NFIA: variants seen among roughly 807,000 people sequenced by gnomAD.
The protein encoded by NFIA is nuclear factor 1 A-type.
In NFIA, 8 loss-of-function variants were observed where a neutral mutation model predicts 62.8. That is an observed-to-expected ratio of 0.13 (90% confidence interval 0.07 to 0.23). The LOEUF is 0.23. Among genes scored for constraint, NFIA ranks in the 10% least tolerant of loss-of-function variants. The pLI, the probability that NFIA is intolerant of heterozygous loss-of-function variation, is 1.00. For missense variants in NFIA, 410 were observed against 642.1 expected (o/e 0.64, Z 3.91); for synonymous variants, 235 against 238.1 (o/e 0.99, Z 0.12).
intron 2 of NFIA, among the ~76,000 whole-genome samples, chr1:61,236,614 A>G (rs1655030428): frequency 6.6e-6 from 1 of 152,056 alleles, no homozygotes; most frequent in African/African-American, 2.4e-5. Context: ...AACAGGTACT[A>G]AACAGGATTT....
chr1:61,302,990 C>G (rs561406924), intron 3 of NFIA, among the ~76,000 whole-genome samples: 1 of 152,262 alleles, frequency 6.6e-6, no homozygotes, highest in African/African-American at 2.4e-5. Context: ...TCTAAAAATG[C>G]TTTTAAAAGT....
Position 61,102,109 on chromosome 1 carries a change from T to C in NFIA, c.559+13429T>C, listed in dbSNP as rs1240725673. Among the ~76,000 whole-genome samples, 10 of 152,162 alleles carry C rather than the reference T, an allele frequency of 6.6e-5. No homozygotes were observed. The South Asian group carries it at 8.3e-4, about 13-fold the overall frequency. On this transcript the variant is annotated intron_variant, in intron 2 of 10. Transcript: ENST00000403491. Reference sequence around the variant, plus strand: ...ATAATTATTTTTAAAAAGCAGAAAATGTGTTTGTAACATTTAAGAAATGGC... The same window carrying C: ...ATAATTATTTTTAAAAAGCAGAAAACGTGTTTGTAACATTTAAGAAATGGC...
chr1:61,299,432 A>G (rs1395665509), intron 3 of NFIA, among the ~76,000 whole-genome samples: 1 of 152,138 alleles, frequency 6.6e-6, no homozygotes, highest in Non-Finnish European at 1.5e-5. Flanking sequence ...TTTCTTTTTA[A>G]TTTAATCTCA....
chr1:61,186,782 C>T (rs1228335668), intron 2 of NFIA, among the ~76,000 whole-genome samples: 1 of 152,238 alleles, frequency 6.6e-6, no homozygotes. Context: ...TATATTCTCT[C>T]ATTTAATCCT....
At chr1:61,350,789 C>T (rs973671864) in intron 4 of NFIA, among the ~76,000 whole-genome samples, 2 of 152,212 alleles carry the variant, frequency 1.3e-5, no homozygotes, top group Non-Finnish European at 2.9e-5. Flanking sequence ...GTTTCCTCTA[C>T]CTAGAAGTCC....
intron 2 of NFIA, among the ~76,000 whole-genome samples, chr1:61,163,509 C>T (rs189327609): frequency 1.8e-4 from 27 of 152,130 alleles, no homozygotes; most frequent in African/African-American, 6.3e-4. Context: ...TTTATAGTTC[C>T]AGTAAATAGT....
intron 3 of NFIA, among the ~76,000 whole-genome samples, chr1:61,298,389 G>C (rs750102679): frequency 1.1e-4 from 16 of 151,944 alleles, no homozygotes; most frequent in Non-Finnish European, 2.4e-4. Flanking sequence ...CCAGTTCTTG[G>C]TGGTATTCTC....
chr1:61,231,532 CA>C lies in NFIA; in HGVS notation c.560-45982del, dbSNP rs913758524. Among the ~76,000 whole-genome samples, 307 of 151,018 alleles carry C rather than the reference CA, an allele frequency of 2.0e-3. 4 individuals carry two copies. Among genetic ancestry groups the C allele is most frequent in the Non-Finnish European group, 6.5e-4 (44 of 67,580 alleles). ...TATATATGTAAAATTCAGATCCATT[CA>C]AAAAATATCCATGTTCTTTTATATG... On this transcript the variant is annotated intron_variant, in intron 2 of 10. Coordinates refer to ENST00000403491, the MANE Select transcript of NFIA (RefSeq NM_001134673.4).
intron 6 of NFIA, among the ~76,000 whole-genome samples, chr1:61,361,389 T>C (rs1015332007): frequency 3.9e-5 from 6 of 152,202 alleles, no homozygotes; most frequent in African/African-American, 1.4e-4. Flanking sequence ...TTGAACCCTT[T>C]TTCAAAGGCT....
intron 2 of NFIA, among the ~76,000 whole-genome samples, chr1:61,091,724 C>T (rs763888899): frequency 6.6e-6 from 1 of 152,100 alleles, no homozygotes; most frequent in Non-Finnish European, 1.5e-5. Flanking sequence ...ATACCCGGCA[C>T]GTGGCAAGGT....
At chr1:61,139,303 A>C (rs1647323211) in intron 2 of NFIA, among the ~76,000 whole-genome samples, 1 of 152,196 alleles carries the variant, frequency 6.6e-6, no homozygotes, top group African/African-American at 2.4e-5. Flanking sequence ...ATAGTCCGGA[A>C]CTCCCCATGT....
intron 10 of NFIA, among the ~76,000 whole-genome samples, chr1:61,441,331 G>GTGTGTGTGTGTGTGTGTGTGTGTC (rs1360188951): frequency 2.8e-5 from 4 of 142,342 alleles, no homozygotes; most frequent in Non-Finnish European, 6.1e-5. Flanking sequence ...GTGTGTGTGT[G>GTGTGTGTGTGTGTGTGTGTGTGTC]TGTCTGTCTG....
intron 9 of NFIA, among the ~76,000 whole-genome samples, chr1:61,409,556 C>T (rs1445917663): frequency 6.6e-6 from 1 of 152,150 alleles, no homozygotes; most frequent in Non-Finnish European, 1.5e-5. Flanking sequence ...GATTTCTAAA[C>T]CAATTGATAA....
chr1:61,426,588 G>A, intron 10 of NFIA, 32 bp downstream of exon 10: 4 of 1,486,402 alleles, frequency 2.7e-6, no homozygotes, highest in African/African-American at 1.4e-5. Flanking sequence ...TGTATGTGGT[G>A]CAGCTTGTAT....
chr1:61,158,209 A>C (rs967199127), intron 2 of NFIA, among the ~76,000 whole-genome samples: 2 of 152,202 alleles, frequency 1.3e-5, no homozygotes, highest in African/African-American at 4.8e-5. Flanking sequence ...TCTGTTAATC[A>C]CTTGATCAGC....
intron 2 of NFIA, among the ~76,000 whole-genome samples, chr1:61,213,898 G>T (rs1170345763): frequency 6.6e-6 from 1 of 152,140 alleles, no homozygotes. Flanking sequence ...TCCTGCTGAC[G>T]CACCAGGCGT....
intron 2 of NFIA, among the ~76,000 whole-genome samples, chr1:61,155,438 CCGAGG>C (rs1648732430): frequency 6.6e-6 from 1 of 151,782 alleles, no homozygotes; most frequent in African/African-American, 2.4e-5. Context: ...CTTTGGGAGG[CCGAGG>C]CGGGTGGATC....
chr1:61,272,668 G>C (rs1353256027), intron 2 of NFIA, among the ~76,000 whole-genome samples: 1 of 152,146 alleles, frequency 6.6e-6, no homozygotes, highest in Non-Finnish European at 1.5e-5. Flanking sequence ...TACAGTTGTA[G>C]AGGGTAACTG....
intron 2 of NFIA, among the ~76,000 whole-genome samples, chr1:61,204,066 G>A (rs921636195): frequency 6.6e-6 from 1 of 152,206 alleles, no homozygotes; most frequent in Non-Finnish European, 1.5e-5. Context: ...AATTCCGTGG[G>A]ATGTATTTTG....
Sources: gnomAD v4.1 joint callset for allele counts (sites outside exome capture counted in the v4.1 genomes callset) on GRCh38, gnomAD v4.1.1 for gene constraint, MANE v1.5 for transcripts, NCBI Gene and HGNC (gene_info 2026-07-23, HGNC 2026-07-21) for gene names.